Variants in AKIRIN1 observed in about 807,000 individuals in gnomAD.
The protein encoded by AKIRIN1 is akirin-1.
AKIRIN1 carries 4 observed loss-of-function variants against 25.9 expected under a neutral mutation model. The ratio of observed to expected loss-of-function variants is 0.15; its 90% CI spans 0.08 to 0.35. The LOEUF is 0.35. AKIRIN1 is among the 10% of genes least tolerant of loss of function. The pLI, the probability that AKIRIN1 is intolerant of heterozygous loss-of-function variation, is 1.00. For missense variants in AKIRIN1, 243 were observed against 266.1 expected, an observed-to-expected ratio of 0.91 and a Z score of 0.61; for synonymous variants, 125 against 105.1, an observed-to-expected ratio of 1.19 and a Z score of -1.16.
chr1:39,000,091 C>G (rs1268563120), intron 2 of AKIRIN1, among the ~76,000 whole-genome samples: 1 of 151,828 alleles, frequency 6.6e-6, no homozygotes, highest in Admixed American at 6.6e-5. Context: ...ACCATGTTGG[C>G]CGGGCTGGTC....
intron 4 of AKIRIN1, 86 bp from the exon 5 acceptor site, chr1:39,003,959 C>A (rs957556782): frequency 2.5e-6 from 3 of 1,190,026 alleles, no homozygotes; most frequent in Admixed American, 3.9e-5. Flanking sequence ...CTATTTCTCA[C>A]ATTTACTGTT....
At position 39,004,968 on chromosome 1, in the gene AKIRIN1, TG is replaced by T. The variant is rs1355781572; in HGVS notation, c.*914del. 4 of 152,338 alleles carry T rather than the reference TG, an allele frequency of 2.6e-5. No homozygotes were observed. The highest frequency in any genetic ancestry group is 9.6e-5 in the African/African-American group (4 of 41,472). The allele number at this position is 152,338 out of a possible 1,614,324, so 9.4% of individuals were successfully genotyped here. A position where few individuals can be genotyped will look rare whatever the true frequency, so the allele number is the denominator to read the frequency against. Reference sequence around the variant, plus strand: ...GGCCTGGGCCAGGCCCCGGCAGCACTGCTACTTGGGAGGAGCCACTTCACCT... The same window carrying T: ...GGCCTGGGCCAGGCCCCGGCAGCACTCTACTTGGGAGGAGCCACTTCACCT... On this transcript the variant is annotated 3_prime_UTR_variant, in exon 5 of 5. Transcript: ENST00000432648.
chr1:38,998,644 C>G (rs1212458375), intron 2 of AKIRIN1, among the ~76,000 whole-genome samples: 2 of 152,084 alleles, frequency 1.3e-5, no homozygotes, highest in Non-Finnish European at 2.9e-5. Flanking sequence ...TGGCTCATGC[C>G]TGTAATCCTA....
rs1644018158 is a variant in AKIRIN1, at chr1:39,004,450, T to A, written c.*395T>A. On this transcript the variant is annotated 3_prime_UTR_variant, in exon 5 of 5. Coordinates refer to ENST00000432648, the MANE Select transcript of AKIRIN1 (RefSeq NM_024595.3). The stretch of plus-strand genomic sequence containing the variant: ...AGTTATTATTTGTATTGTGCAAAAA[T>A]TTTTTTTTGATCTTGGGGATTCTGG... The A allele has an allele frequency of 1.6e-5, 4 of 250,700 alleles. No homozygotes were observed. In the Admixed American group the frequency reaches 1.6e-4, roughly 10 times the overall value. The allele number at this position is 250,700 out of a possible 1,614,324, so 15.5% of individuals were successfully genotyped here. A position where few individuals can be genotyped will look rare whatever the true frequency, so the allele number is the denominator to read the frequency against.
At chr1:38,991,903 C>T (rs1430015536) in intron 1 of AKIRIN1, among the ~76,000 whole-genome samples, 3 of 151,968 alleles carry the variant, frequency 2.0e-5, no homozygotes, top group South Asian at 2.1e-4. Flanking sequence ...CGCTGAAGCC[C>T]CTCCTTCCTC....
intron 3 of AKIRIN1, among the ~76,000 whole-genome samples, chr1:39,002,557 C>T (rs1371163449): frequency 2.0e-5 from 3 of 152,030 alleles, no homozygotes; most frequent in Non-Finnish European, 2.9e-5. Flanking sequence ...GGTGAAACCC[C>T]GTCTCTACTA....
At chr1:39,000,059 T>C (rs944395722) in intron 2 of AKIRIN1, among the ~76,000 whole-genome samples, 1 of 151,992 alleles carries the variant, frequency 6.6e-6, no homozygotes, top group Non-Finnish European at 1.5e-5. Context: ...TTTTTTTGTA[T>C]TTTTAGTAGA....
Position 39,002,190 on chromosome 1 carries a change from A to T in AKIRIN1, c.496+1084A>T, listed in dbSNP as rs565633324. Among the ~76,000 whole-genome samples the T allele has an allele frequency of 9.8e-5, 15 of 152,330 alleles. No homozygotes were observed. The South Asian group carries it at 3.1e-3, about 32-fold the overall frequency. Reference sequence around the variant, plus strand: ...GGATATAGGTCAAGATCTGTTGCTTAGGGTGACAGTGTGAGTAATTAAGAA... The same window carrying T: ...GGATATAGGTCAAGATCTGTTGCTTTGGGTGACAGTGTGAGTAATTAAGAA... On this transcript the variant is annotated intron_variant, in intron 3 of 4. Coordinates refer to ENST00000432648, the MANE Select transcript of AKIRIN1 (RefSeq NM_024595.3).
intron 3 of AKIRIN1, among the ~76,000 whole-genome samples, chr1:39,001,881 A>G (rs576796056): frequency 1.6e-3 from 222 of 135,582 alleles, no homozygotes; most frequent in African/African-American, 5.8e-3. Context: ...AACATATTCA[A>G]ACTTCCTAGT....
At chr1:39,002,099 A>G (rs1643996678) in intron 3 of AKIRIN1, among the ~76,000 whole-genome samples, 1 of 152,140 alleles carries the variant, frequency 6.6e-6, no homozygotes, top group South Asian at 2.1e-4. Context: ...AAACCACAGT[A>G]CTCTATGTCA....
Position 38,991,611 on chromosome 1 carries a change from C to A in AKIRIN1, c.220+11C>A. 1 of 1,084,202 alleles carries A rather than the reference C, an allele frequency of 9.2e-7. No homozygotes were observed. The highest frequency in any genetic ancestry group is 1.1e-6 in the Non-Finnish European group (1 of 889,950). The allele number at this position is 1,084,202 out of a possible 1,614,324, so 67.2% of individuals were successfully genotyped here. ...GCCTTCCAACTCCGGGTAACCTGCC[C>A]TGCTCTGGGTTTGGCAGGAAGCCAG... is the stretch of plus-strand genomic sequence containing the variant. On this transcript the variant is annotated intron_variant, in intron 1 of 4. Transcript: ENST00000432648.
chr1:38,993,774 A>G (rs904619625), intron 1 of AKIRIN1, among the ~76,000 whole-genome samples: 2 of 152,088 alleles, frequency 1.3e-5, no homozygotes, highest in East Asian at 1.9e-4. Flanking sequence ...CCTTGTTTCC[A>G]CAAAAGAATT....
chr1:39,001,012 C>T lies in AKIRIN1; in HGVS notation c.402C>T (p.Leu134=). The part of the protein sequence containing the change: ...WMKKDQPTFT[L]RQVGIICERL... ...AGAAGGACCAGCCCACATTTACCCT[C>T]CGACAAGTTGGCATAATATGTGAGC... Residue 134 remains leucine (L), a synonymous_variant, in exon 3 of 5, where the codon CTC becomes CTT. Transcript: ENST00000432648. The T allele has an allele frequency of 5.6e-6, 9 of 1,613,750 alleles. No homozygotes were observed. Among genetic ancestry groups the T allele is most frequent in the Non-Finnish European group, 7.6e-6 (9 of 1,179,886 alleles).
chr1:38,995,796 G>A (rs1028430903), intron 1 of AKIRIN1, among the ~76,000 whole-genome samples: 1 of 152,212 alleles, frequency 6.6e-6, no homozygotes, highest in East Asian at 1.9e-4. Flanking sequence ...ACTTTGGGAG[G>A]CCGAGGCGGG....
chr1:38,998,281 T>G lies in AKIRIN1; in HGVS notation c.331T>G (p.Ser111Ala). 6.2e-7 allele frequency: 1 copy of G among 1,613,356 alleles called. No individual in the cohort carries two copies. Residue 111 changes from serine (S) to alanine (A), a missense_variant, in exon 2 of 5, where the codon TCC becomes GCC. By Grantham distance (99) the Ser-to-Ala change is moderately conservative. This residue lies in a region of AKIRIN1 where 190 missense variants were observed against 174.4 expected (regional missense o/e 1.09). Coordinates refer to ENST00000432648, the MANE Select transcript of AKIRIN1 (RefSeq NM_024595.3). ...EACASESQPH[S>A]SALTAPSSPG... ...TTGTGCTTCGGAAAGTCAACCTCAC[T>G]CCTCAGCACTCACAGCACCTAGCTC... is the stretch of plus-strand genomic sequence containing the variant.
intron 2 of AKIRIN1, among the ~76,000 whole-genome samples, chr1:38,998,804 G>C (rs1374245014): frequency 6.6e-6 from 1 of 151,912 alleles, no homozygotes; most frequent in East Asian, 1.9e-4. Context: ...TACTCGGGAG[G>C]CTGAGGTTGC....
rs769418667 is a variant in AKIRIN1, at chr1:39,004,229, A to G, written c.*174A>G. On this transcript the variant is annotated 3_prime_UTR_variant, in exon 5 of 5. Coordinates refer to ENST00000432648, the MANE Select transcript of AKIRIN1 (RefSeq NM_024595.3). ...AAGACCGTAAAACTTTCTGGTTGCC[A>G]CAAGCATATCTTTCTTTTCTGCTCA... 1.3e-6 allele frequency: 1 copy of G among 747,956 alleles called. No individual in the cohort carries two copies. The highest frequency in any genetic ancestry group is 1.7e-5 in the African/African-American group (1 of 58,296). The allele number at this position is 747,956 out of a possible 1,614,324, so 46.3% of individuals were successfully genotyped here.
intron 2 of AKIRIN1, among the ~76,000 whole-genome samples, chr1:38,999,289 A>G (rs1025269681): frequency 3.3e-5 from 5 of 152,200 alleles, no homozygotes; most frequent in Admixed American, 6.5e-5. Context: ...TACAAAATAT[A>G]AACTGGGGTT....
At chr1:38,996,933 G>T (rs1643952531) in intron 1 of AKIRIN1, among the ~76,000 whole-genome samples, 1 of 152,124 alleles carries the variant, frequency 6.6e-6, no homozygotes, top group Non-Finnish European at 1.5e-5. Context: ...GTCAGTTCCT[G>T]GACTGTACTG....
Sources: allele counts gnomAD v4.1 joint callset (sites outside exome capture counted in the v4.1 genomes callset), GRCh38; gene constraint gnomAD v4.1.1; regional missense constraint gnomAD v4.1.1; transcripts MANE v1.5; gene names NCBI Gene and HGNC (gene_info 2026-07-23, HGNC 2026-07-21).